Variants in CIP2A observed in about 807,000 individuals in gnomAD.
CIP2A encodes cellular inhibitor of PP2A.
A neutral mutation model predicts 110.9 loss-of-function variants in CIP2A; 103 were observed. The observed-to-expected ratio is 0.93, with a 90% CI of 0.79 to 1.09. The LOEUF is 1.09. CIP2A is among the 50% of genes least tolerant of loss of function. The probability of loss-of-function intolerance (pLI) is 0.00; values close to 1 mark genes in which losing one functional copy is unlikely to be tolerated. For synonymous variants in CIP2A, 381 were observed against 361.6 expected, an observed-to-expected ratio of 1.05 and a Z score of -0.61; for missense variants, 1,088 against 1,038.4, an observed-to-expected ratio of 1.05 and a Z score of -0.66.
intron 16 of CIP2A, among the ~76,000 whole-genome samples, chr3:108,558,827 CTAACATGGCT>C: frequency 6.6e-6 from 1 of 152,228 alleles, no homozygotes; most frequent in South Asian, 2.1e-4. Flanking sequence ...GCAAAGTGGC[CTAACATGGCT>C]GACTGCAAAG....
intron 12 of CIP2A, 49 bp downstream of exon 12, chr3:108,565,306 G>T (rs1409186023): frequency 1.1e-6 from 1 of 871,630 alleles, no homozygotes; most frequent in Non-Finnish European, 1.8e-6. Flanking sequence ...CTTATATTAG[G>T]ACCATTTATG....
In CIP2A at chr3:108,579,292, AT is replaced by A; in HGVS notation, c.806del (p.Asp269ValfsTer17). Reference sequence around the variant, plus strand: ...GAAGTGAGTCATACCTGGTGAGATAATCAGCAATTTTAGGATTCTTAAGGAG... The same window carrying A: ...GAAGTGAGTCATACCTGGTGAGATAACAGCAATTTTAGGATTCTTAAGGAG... ...MDLLKNPKIA[D>X]YLTRYEHFSS... On this transcript the variant is annotated frameshift_variant, in exon 7 of 21. Coordinates refer to ENST00000295746, the MANE Select transcript of CIP2A (RefSeq NM_020890.3). LOFTEE classifies it high-confidence loss of function. 2 of 1,609,440 alleles carry A rather than the reference AT, an allele frequency of 1.2e-6. No homozygotes were observed. The highest frequency in any genetic ancestry group is 3.4e-5 in the Admixed American group (2 of 59,656).
Position 108,551,073 on chromosome 3 carries a change from C to A in CIP2A, c.*76G>T. On this transcript the variant is annotated 3_prime_UTR_variant, in exon 21 of 21. Coordinates refer to ENST00000295746, the MANE Select transcript of CIP2A (RefSeq NM_020890.3). ...TTGTTACGAAGTCACAAATTAACTC[C>A]CCTACCCACCCCCCCTCCAATAGAT... is the stretch of plus-strand genomic sequence containing the variant. 4 of 397,120 alleles carry A rather than the reference C, an allele frequency of 1.0e-5. No homozygotes were observed. In the East Asian group the frequency reaches 1.6e-4, roughly 16 times the overall value. 24.6% of individuals were successfully genotyped at this position (397,120 alleles called of 1,614,324 possible). A position where few individuals can be genotyped will look rare whatever the true frequency, so the allele number is the denominator to read the frequency against.
intron 7 of CIP2A, 90 bp from the exon 8 acceptor site, chr3:108,576,436 T>C (rs1358760625): frequency 3.2e-5 from 22 of 685,174 alleles, no homozygotes; most frequent in South Asian, 2.2e-4. Context: ...ATAAAATTTA[T>C]GTGTATTTTC....
At chr3:108,570,245 CCTT>C (rs1468157718) in intron 8 of CIP2A, among the ~76,000 whole-genome samples, 2 of 142,668 alleles carry the variant, frequency 1.4e-5, no homozygotes, top group Non-Finnish European at 3.1e-5. Flanking sequence ...CTTAAGATCT[CCTT>C]GTCTCTCTAT....
At chr3:108,577,632 C>T (rs1275927900) in intron 7 of CIP2A, among the ~76,000 whole-genome samples, 1 of 152,176 alleles carries the variant, frequency 6.6e-6, no homozygotes, top group Non-Finnish European at 1.5e-5. Context: ...AGGCCAGCAG[C>T]TCATGCCTGT....
chr3:108,553,115 CCTTTT>C, intron 19 of CIP2A, among the ~76,000 whole-genome samples: 1 of 135,198 alleles, frequency 7.4e-6, no homozygotes, highest in Non-Finnish European at 1.5e-5. Flanking sequence ...TCATCTCTTT[CCTTTT>C]GTTTTTTTTT....
intron 13 of CIP2A, among the ~76,000 whole-genome samples, chr3:108,562,383 C>G (rs749208848): frequency 6.6e-6 from 1 of 152,098 alleles, no homozygotes; most frequent in Non-Finnish European, 1.5e-5. Flanking sequence ...AAACTATTTA[C>G]AAAAACAGAT....
At chr3:108,553,585 C>T in intron 19 of CIP2A, 63 bp downstream of exon 19, 2 of 1,393,892 alleles carry the variant, frequency 1.4e-6, no homozygotes, top group Non-Finnish European at 1.9e-6. Context: ...CAAACAAAAC[C>T]ACTCATGCTT....
intron 8 of CIP2A, among the ~76,000 whole-genome samples, chr3:108,571,225 C>G (rs1342931080): frequency 6.6e-6 from 1 of 152,138 alleles, no homozygotes; most frequent in Non-Finnish European, 1.5e-5. Flanking sequence ...TAGAAGTACA[C>G]TCTAAAATAA....
intron 1 of CIP2A, chr3:108,585,907 C>A (rs1366910982): frequency 6.8e-6 from 2 of 293,122 alleles, no homozygotes; most frequent in African/African-American, 2.3e-5. Flanking sequence ...CACATACATA[C>A]ACACACACAC....
At chr3:108,569,168 C>CTATATATATATATATATATA (rs1163991017) in intron 9 of CIP2A, among the ~76,000 whole-genome samples, 240 of 11,076 alleles carry the variant, frequency 0.022, 57 homozygotes, top group Middle Eastern at 0.077. Context: ...GAAATGAGCA[C>CTATATATATATATATATATA]TATATATATA....
At position 108,563,157 on chromosome 3, in the gene CIP2A, C is replaced by T. The variant is rs778526169; in HGVS notation, c.1603G>A (p.Ala535Thr). ...VQSGLRILLEAAPLPDFPALV... is the reference protein window; with the variant it reads ...VQSGLRILLETAPLPDFPALV... ...GCAGGAAAATCTGGCAGTGGAGCAGCCTCCAATAATATTCTCAGTCCAGAC... is the reference window on the plus strand; with the variant it reads ...GCAGGAAAATCTGGCAGTGGAGCAGTCTCCAATAATATTCTCAGTCCAGAC... Residue 535 changes from alanine (A) to threonine (T), a missense_variant, in exon 13 of 21, where the codon GCT becomes ACT. By Grantham distance (58) the Ala-to-Thr change is moderately conservative (BLOSUM62 0). Transcript: ENST00000295746. 4 of 1,611,860 alleles carry T rather than the reference C, an allele frequency of 2.5e-6. No individual in the cohort carries two copies. The African/African-American group carries it at 5.3e-5, about 22-fold the overall frequency.
chr3:108,563,151 G>C lies in CIP2A; in HGVS notation c.1609C>G (p.Pro537Ala). 6.2e-7 allele frequency: 1 copy of C among 1,611,686 alleles called. No homozygotes were observed. The highest frequency in any genetic ancestry group is 8.5e-7 in the Non-Finnish European group (1 of 1,178,080). The part of the protein sequence containing the change: ...SGLRILLEAA[P>A]LPDFPALVLG... ...ACTAAAGCAGGAAAATCTGGCAGTG[G>C]AGCAGCCTCCAATAATATTCTCAGT... The change falls in exon 13 of 21, where the codon CCA (proline) becomes GCA (alanine). Residue 537 changes from proline (P) to alanine (A), a missense_variant. Physicochemically the swap from Pro to Ala is conservative, Grantham distance 27. Transcript: ENST00000295746.
In CIP2A at chr3:108,576,286, A is replaced by G. The variant is rs754509766; in HGVS notation, c.879T>C (p.Pro293=). The change falls in exon 8 of 21, where the codon CCT becomes CCC. Residue 293 remains proline, a synonymous_variant. Transcript: ENST00000295746. ...QVLGLLNGKD[P]DSSSKVLELL... ...TTTTACATACCTTTGAAGAGGAATCAGGATCCTTTCCATTAAGAAGACCTA... is the reference window on the plus strand; with the variant it reads ...TTTTACATACCTTTGAAGAGGAATCGGGATCCTTTCCATTAAGAAGACCTA... The G allele has an allele frequency of 1.9e-6, 3 of 1,560,056 alleles. No homozygotes were observed. Among genetic ancestry groups the G allele is most frequent in the South Asian group, 2.4e-5 (2 of 82,364 alleles).
chr3:108,575,437 TAC>T (rs1303700725), intron 8 of CIP2A, among the ~76,000 whole-genome samples: 8 of 147,604 alleles, frequency 5.4e-5, no homozygotes, highest in Non-Finnish European at 1.2e-4. Context: ...TACATACACA[TAC>T]ATATATACAT....
rs370778599 is a variant in CIP2A at position 108,560,032 on chromosome 3, C to A, written c.1828-4G>T. Reference sequence around the variant, plus strand: ...CATCACAAATCTGATCCTTTACCTACATTTTAAGAGTAAAAAAACTTAAAA... The same window carrying A: ...CATCACAAATCTGATCCTTTACCTAAATTTTAAGAGTAAAAAAACTTAAAA... On this transcript the variant is annotated splice_region_variant and splice_polypyrimidine_tract_variant and intron_variant, in intron 14 of 20. Coordinates refer to ENST00000295746, the MANE Select transcript of CIP2A (RefSeq NM_020890.3). 6.4e-7 allele frequency: 1 copy of A among 1,552,780 alleles called. No homozygotes were observed. The highest frequency in any genetic ancestry group is 8.8e-7 in the Non-Finnish European group (1 of 1,137,272).
intron 7 of CIP2A, among the ~76,000 whole-genome samples, chr3:108,577,411 T>C (rs936857847): frequency 6.6e-6 from 1 of 152,068 alleles, no homozygotes; most frequent in African/African-American, 2.4e-5. Context: ...AGGCAATACA[T>C]AGAGTAATGG....
At chr3:108,582,254 T>G (rs568542689) in intron 3 of CIP2A, 52 bp from the exon 4 acceptor site, 5 of 765,186 alleles carry the variant, frequency 6.5e-6, no homozygotes, top group Non-Finnish European at 1.1e-5. Flanking sequence ...CATTGCCTGC[T>G]TAAAATAATG....
Sources: gnomAD v4.1 joint callset for allele counts (sites outside exome capture counted in the v4.1 genomes callset) on GRCh38, gnomAD v4.1.1 for gene constraint, MANE v1.5 for transcripts, NCBI Gene and HGNC (gene_info 2026-07-23, HGNC 2026-07-21) for gene names.